ARHGAP22: variants seen among roughly 807,000 people sequenced by gnomAD.
The protein encoded by ARHGAP22 is rho GTPase-activating protein 22.
In ARHGAP22, 48 loss-of-function variants were observed where a neutral mutation model predicts 59.1. The observed-to-expected ratio is 0.81, with a 90% CI of 0.64 to 1.03. ARHGAP22 has a LOEUF of 1.03. Ranked by LOEUF, ARHGAP22 falls within the 50% of genes least tolerant of loss-of-function variation. The pLI is 0.00. For missense variants in ARHGAP22, 1,015 were observed against 958.7 expected (o/e 1.06, Z -0.78); for synonymous variants, 445 against 416.4 (o/e 1.07, Z -0.84).
chr10:48,579,933 A>G (rs1456138397), intron 2 of ARHGAP22, among the ~76,000 whole-genome samples: 1 of 152,232 alleles, frequency 6.6e-6, no homozygotes, highest in African/African-American at 2.4e-5. Flanking sequence ...ATCATACTGT[A>G]TAAGCTGAAT....
intron 2 of ARHGAP22, among the ~76,000 whole-genome samples, chr10:48,572,894 AAGAC>A (rs2135504343): frequency 6.6e-6 from 1 of 152,330 alleles, no homozygotes; most frequent in East Asian, 1.9e-4. Flanking sequence ...AATAGTCACA[AAGAC>A]AGCTCAGATT....
chr10:48,446,692 T>C (rs1479208136), intron 9 of ARHGAP22, 73 bp from the exon 10 acceptor site: 3 of 1,440,562 alleles, frequency 2.1e-6, no homozygotes, highest in Non-Finnish European at 2.8e-6. Flanking sequence ...ATACCATGCT[T>C]GTGCTCACTG....
chr10:48,523,991 C>T, intron 3 of ARHGAP22: 5 of 1,406,216 alleles, frequency 3.6e-6, no homozygotes, highest in South Asian at 2.9e-5. Flanking sequence ...GTCCCCGAGG[C>T]GGGGCTGGCA....
At chr10:48,482,877 G>T (rs2049467527) in intron 3 of ARHGAP22, among the ~76,000 whole-genome samples, 1 of 151,944 alleles carries the variant, frequency 6.6e-6, no homozygotes, top group Non-Finnish European at 1.5e-5. Flanking sequence ...TGGAACATTA[G>T]AATTTATTCT....
intron 3 of ARHGAP22, among the ~76,000 whole-genome samples, chr10:48,553,971 C>T (rs1254358904): frequency 2.0e-5 from 3 of 152,210 alleles, no homozygotes; most frequent in Non-Finnish European, 1.5e-5. Context: ...CTGCCTACGT[C>T]ACTACTTGCA....
chr10:48,569,146 T>A (rs1377119111), intron 2 of ARHGAP22, among the ~76,000 whole-genome samples: 1 of 152,230 alleles, frequency 6.6e-6, no homozygotes, highest in East Asian at 1.9e-4. Flanking sequence ...CTGGGGTATA[T>A]GGTGTCTCTG....
upstream of ARHGAP22, among the ~76,000 whole-genome samples, chr10:48,655,060 CCT>C (rs2062741714): frequency 1.2e-3 from 19 of 15,750 alleles, 2 homozygotes; most frequent in African/African-American, 4.9e-3. Context: ...CTTTCTCCTT[CCT>C]TCCCTCCTTC....
intron 2 of ARHGAP22, among the ~76,000 whole-genome samples, chr10:48,576,776 T>A (rs10776624): frequency 0.46 from 70,293 of 151,952 alleles, 17,592 homozygotes; most frequent in East Asian, 0.97. Flanking sequence ...CTCCTTTTTT[T>A]AAGATATTTA....
intron 3 of ARHGAP22, among the ~76,000 whole-genome samples, chr10:48,519,815 G>C (rs529994173): frequency 3.3e-5 from 5 of 152,176 alleles, no homozygotes; most frequent in Admixed American, 6.5e-5. Flanking sequence ...GGAGGGGGAG[G>C]GGGGAACACA....
At chr10:48,452,972 G>T (rs762514746) in intron 8 of ARHGAP22, among the ~76,000 whole-genome samples, 3 of 152,242 alleles carry the variant, frequency 2.0e-5, no homozygotes, top group Non-Finnish European at 4.4e-5. Flanking sequence ...AAGCAAACAT[G>T]TCTGTGTTCA....
At chr10:48,459,944 G>T (rs577921242) in intron 4 of ARHGAP22, 53 bp from the exon 5 acceptor site, 443 of 1,565,054 alleles carry the variant, frequency 2.8e-4, no homozygotes, top group Admixed American at 5.3e-4. Context: ...TCAGTGTTGG[G>T]TGCTCAGGAC....
At chr10:48,644,667 TA>T (rs1312223482) in intron 1 of ARHGAP22, among the ~76,000 whole-genome samples, 1 of 152,156 alleles carries the variant, frequency 6.6e-6, no homozygotes, top group Non-Finnish European at 1.5e-5. Flanking sequence ...AACACACTAC[TA>T]AATCAGCCAC....
intron 3 of ARHGAP22, among the ~76,000 whole-genome samples, chr10:48,539,384 C>T (rs1026751403): frequency 3.4e-5 from 5 of 148,978 alleles, no homozygotes; most frequent in East Asian, 2.0e-4. Flanking sequence ...CTCCGCCTCC[C>T]GGGTTCACGC....
intron 3 of ARHGAP22, among the ~76,000 whole-genome samples, chr10:48,531,902 C>T (rs760981753): frequency 2.0e-5 from 3 of 152,190 alleles, no homozygotes; most frequent in Non-Finnish European, 2.9e-5. Context: ...TTAAAAAAGA[C>T]AAGCCCTGTG....
chr10:48,582,919 G>C (rs750413481), intron 2 of ARHGAP22, 34 bp downstream of exon 2: 1 of 1,609,078 alleles, frequency 6.2e-7, no homozygotes, highest in Non-Finnish European at 8.5e-7. Flanking sequence ...GCCCTGCCAC[G>C]ATGCCCACGG....
intron 1 of ARHGAP22, among the ~76,000 whole-genome samples, chr10:48,631,008 TG>T (rs1184811688): frequency 6.6e-6 from 1 of 152,228 alleles, no homozygotes; most frequent in Non-Finnish European, 1.5e-5. Context: ...TTTTGTCAAA[TG>T]TTTTTTCTGC....
intron 4 of ARHGAP22, among the ~76,000 whole-genome samples, chr10:48,471,026 A>T (rs1814473): frequency 6.6e-6 from 1 of 152,302 alleles, no homozygotes; most frequent in East Asian, 1.9e-4. Flanking sequence ...GTTGCATTTC[A>T]TCCCACCAGG....
At chr10:48,596,769 C>G (rs1173482462) in intron 1 of ARHGAP22, among the ~76,000 whole-genome samples, 1 of 152,188 alleles carries the variant, frequency 6.6e-6, no homozygotes, top group Admixed American at 6.5e-5. Flanking sequence ...TGGAAGAGAC[C>G]GTGCCCCCTT....
exon 1 of ARHGAP22, chr10:48,652,378 A>G: frequency 9.7e-7 from 1 of 1,026,254 alleles, no homozygotes. Context: ...CCTGTTTTCC[A>G]GTAACAGGAG....
Sources: allele counts gnomAD v4.1 joint callset (sites outside exome capture counted in the v4.1 genomes callset), GRCh38; gene constraint gnomAD v4.1.1; transcripts MANE v1.5; gene names NCBI Gene and HGNC (gene_info 2026-07-23, HGNC 2026-07-21).